OPCML: variants seen among roughly 807,000 people sequenced by gnomAD.
OPCML encodes the protein opioid-binding protein/cell adhesion molecule.
A neutral mutation model predicts 37.8 loss-of-function variants in OPCML; 13 were observed. The ratio of observed to expected loss-of-function variants is 0.34; its 90% CI spans 0.22 to 0.55. The LOEUF (loss-of-function observed/expected upper bound fraction) is 0.55. OPCML is among the 20% of genes least tolerant of loss of function. The pLI is 0.91. For missense variants in OPCML, 341 were observed against 435.6 expected (o/e 0.78, Z 1.93); for synonymous variants, 176 against 168.8 (o/e 1.04, Z -0.33).
intron 3 of OPCML, among the ~76,000 whole-genome samples, chr11:132,606,661 C>T (rs1286499578): frequency 8.0e-6 from 1 of 125,344 alleles, no homozygotes; most frequent in Non-Finnish European, 1.8e-5. Context: ...TTTCCCACTT[C>T]TGGGCCAATG....
At chr11:133,375,000 A>G (rs1944765910) in intron 1 of OPCML, among the ~76,000 whole-genome samples, 1 of 152,122 alleles carries the variant, frequency 6.6e-6, no homozygotes, top group Non-Finnish European at 1.5e-5. Flanking sequence ...AAAGTGAATG[A>G]TTTTTCAGGA....
At position 133,208,551 on chromosome 11, in the gene OPCML, G is replaced by A. The variant is rs1939213489; in HGVS notation, c.62-265541C>T. ...CATCGTAAATATAATTCCAATGCTG[G>A]CTATCCACATATGTGTATTAGTGAA... On this transcript the variant is annotated intron_variant, in intron 1 of 7. Transcript: ENST00000524381. This position sits in a 1 kb window ranked among gnomAD's most constrained non-coding sequence, Gnocchi z 8.9. Among the ~76,000 whole-genome samples the A allele has an allele frequency of 1.3e-5, 2 of 152,266 alleles. No individual in the cohort carries two copies. The highest frequency in any genetic ancestry group is 1.3e-4 in the Admixed American group (2 of 15,282).
chr11:132,746,597 G>A (rs1357600398), intron 2 of OPCML, among the ~76,000 whole-genome samples: 1 of 152,116 alleles, frequency 6.6e-6, no homozygotes, highest in Non-Finnish European at 1.5e-5. Flanking sequence ...ACAGTCAGAG[G>A]TCGGGATTAG....
chr11:133,252,866 G>A (rs1312591544), intron 1 of OPCML, among the ~76,000 whole-genome samples: 4 of 152,060 alleles, frequency 2.6e-5, no homozygotes, highest in African/African-American at 7.2e-5. Flanking sequence ...AGTCTTCTTC[G>A]GCCAGGTACG....
intron 3 of OPCML, among the ~76,000 whole-genome samples, chr11:132,570,804 T>TATAGAGAGAGAGAGAGAGAGAGAGAGAG (rs2096436416): frequency 3.3e-5 from 3 of 90,762 alleles, no homozygotes; most frequent in African/African-American, 1.5e-4. Flanking sequence ...TATATATATT[T>TATAGAGAGAGAGAGAGAGAGAGAGAGAG]AGAGAGAGAG....
At chr11:133,026,244 G>A (rs954312911) in intron 1 of OPCML, 26 of 635,998 alleles carry the variant, frequency 4.1e-5, no homozygotes, top group African/African-American at 2.4e-4. Flanking sequence ...ACAGAGTTCC[G>A]CCTCTTTGCA....
intron 1 of OPCML, among the ~76,000 whole-genome samples, chr11:133,042,956 C>T (rs1947934670): frequency 6.6e-6 from 1 of 152,064 alleles, no homozygotes; most frequent in Non-Finnish European, 1.5e-5. Context: ...AAGGGTCTCT[C>T]ACGTACAGTT....
chr11:132,571,599 G>A (rs1007017336), intron 3 of OPCML, among the ~76,000 whole-genome samples: 2 of 152,150 alleles, frequency 1.3e-5, no homozygotes, highest in Non-Finnish European at 2.9e-5. Context: ...ACATATTGCA[G>A]AGTTTCCTTT....
At chr11:132,618,082 T>C (rs1316723948) in intron 3 of OPCML, among the ~76,000 whole-genome samples, 1 of 152,206 alleles carries the variant, frequency 6.6e-6, no homozygotes, top group Non-Finnish European at 1.5e-5. Context: ...AAGAGCTAGG[T>C]TATATGCAGT....
At position 132,778,964 on chromosome 11, in the gene OPCML, T is replaced by C. The variant is rs11826254; in HGVS notation, c.147-121645A>G. 8.2e-3 allele frequency among the ~76,000 whole-genome samples: 1,160 copies of C among 141,584 alleles called. 13 individuals are homozygous for C. The highest frequency in any genetic ancestry group is 0.029 in the African/African-American group (1,088 of 38,138). 92.9% of individuals were successfully genotyped at this position (141,584 alleles called of 152,430 possible). A position where few individuals can be genotyped will look rare whatever the true frequency, so the allele number is the denominator to read the frequency against. On this transcript the variant is annotated intron_variant, in intron 2 of 7. Transcript: ENST00000524381. ...ATTACACTGAGGTGGTATATTTCTT[T>C]TTTTTTTTTTTTTTTTTTTTGGAGA...
chr11:133,225,356 T>C (rs146260625), intron 1 of OPCML, among the ~76,000 whole-genome samples: 24 of 152,306 alleles, frequency 1.6e-4, no homozygotes, highest in African/African-American at 4.8e-4. Context: ...GTCTGAGTAG[T>C]GAATCTTCTT....
chr11:133,506,308 T>C (rs931867899), intron 1 of OPCML, among the ~76,000 whole-genome samples: 11 of 152,068 alleles, frequency 7.2e-5, no homozygotes, highest in Non-Finnish European at 1.6e-4. Flanking sequence ...TTTTAAAGAG[T>C]AGAACAAAGA....
intron 1 of OPCML, among the ~76,000 whole-genome samples, chr11:133,033,090 TA>T (rs1947703863): frequency 6.6e-6 from 1 of 152,184 alleles, no homozygotes; most frequent in African/African-American, 2.4e-5. Context: ...ATAGATTCAT[TA>T]AAAAAAGAAT....
At chr11:132,949,577 C>G (rs1945816013) in intron 1 of OPCML, among the ~76,000 whole-genome samples, 1 of 152,174 alleles carries the variant, frequency 6.6e-6, no homozygotes, top group African/African-American at 2.4e-5. Context: ...GCCTTATAGT[C>G]TTTGACGGAT....
chr11:132,464,700 G>A (rs1224802396), intron 4 of OPCML, among the ~76,000 whole-genome samples: 1 of 152,064 alleles, frequency 6.6e-6, no homozygotes, highest in Non-Finnish European at 1.5e-5. Flanking sequence ...GCCACGCAGA[G>A]TAAGCCCCTC....
Position 132,544,839 on chromosome 11 carries a change from G to A in OPCML, c.380-15653C>T, listed in dbSNP as rs149431657. Reference sequence around the variant, plus strand: ...ATTGCACACACCATGCCACCTCCAGGCAGGTGAGGAAGGAGCCACACACTA... The same window carrying A: ...ATTGCACACACCATGCCACCTCCAGACAGGTGAGGAAGGAGCCACACACTA... On this transcript the variant is annotated intron_variant, in intron 3 of 7. Transcript: ENST00000524381. Among the ~76,000 whole-genome samples, 419 of 152,226 alleles carry A rather than the reference G, an allele frequency of 2.8e-3. 1 individual carries two copies. The highest frequency in any genetic ancestry group is 4.4e-3 in the South Asian group (21 of 4,816).
At chr11:133,325,027 T>A (rs1389136328) in intron 1 of OPCML, among the ~76,000 whole-genome samples, 3 of 152,224 alleles carry the variant, frequency 2.0e-5, no homozygotes, top group African/African-American at 4.8e-5. Flanking sequence ...TACCACGTTC[T>A]ATATTCTGGG....
chr11:132,623,189 G>A (rs1373112920), intron 3 of OPCML, among the ~76,000 whole-genome samples: 1 of 152,090 alleles, frequency 6.6e-6, no homozygotes, highest in Admixed American at 6.6e-5. Context: ...ATCTGTTTCT[G>A]AGCGGTAAAA....
At chr11:133,421,866 G>T in intron 1 of OPCML, 1 of 701,096 alleles carries the variant, frequency 1.4e-6, no homozygotes, top group Non-Finnish European at 1.8e-6. Context: ...CGGAATTCCT[G>T]ACCCACAGAA....
Sources: gnomAD v4.1 joint callset for allele counts (sites outside exome capture counted in the v4.1 genomes callset) on GRCh38, gnomAD v4.1.1 for gene constraint, Gnocchi (gnomAD v3.1) non-coding constraint, MANE v1.5 for transcripts, NCBI Gene and HGNC (gene_info 2026-07-23, HGNC 2026-07-21) for gene names.